Variants in PHACTR1 observed in about 807,000 individuals in gnomAD.
PHACTR1 encodes RPEL repeat containing 1.
A neutral mutation model predicts 69.2 loss-of-function variants in PHACTR1; 16 were observed. That is an observed-to-expected ratio of 0.23 (90% confidence interval 0.16 to 0.35). PHACTR1 has a LOEUF of 0.35. Among genes scored for constraint, PHACTR1 ranks in the 10% least tolerant of loss-of-function variants. The pLI, the probability that PHACTR1 is intolerant of heterozygous loss-of-function variation, is 1.00. For synonymous variants in PHACTR1, 312 were observed against 284.5 expected, an observed-to-expected ratio of 1.10 and a Z score of -0.97; for missense variants, 510 against 734.7, an observed-to-expected ratio of 0.69 and a Z score of 3.54.
chr6:12,940,556 TAAG>T (rs1361402053), intron 4 of PHACTR1, among the ~76,000 whole-genome samples: 2 of 152,196 alleles, frequency 1.3e-5, no homozygotes, highest in Non-Finnish European at 2.9e-5. Context: ...GCCTTGACTT[TAAG>T]GAGGTGGAAG....
intron 4 of PHACTR1, among the ~76,000 whole-genome samples, chr6:12,983,672 A>G (rs1457541637): frequency 6.6e-6 from 1 of 152,054 alleles, no homozygotes; most frequent in African/African-American, 2.4e-5. Flanking sequence ...CATTAGGTAT[A>G]TCTCCCAATG....
chr6:12,820,136 A>G (rs796443450), intron 4 of PHACTR1, among the ~76,000 whole-genome samples: 2 of 152,314 alleles, frequency 1.3e-5, no homozygotes, highest in African/African-American at 4.8e-5. Flanking sequence ...CCTCTTCTGC[A>G]TAAATATTGA....
chr6:13,241,859 A>C (rs1772884984), intron 10 of PHACTR1, among the ~76,000 whole-genome samples: 1 of 149,910 alleles, frequency 6.7e-6, no homozygotes, highest in South Asian at 2.1e-4. Flanking sequence ...CCCCATCTCT[A>C]CTAAAAATGC....
At chr6:13,019,093 G>A (rs1013798341) in intron 4 of PHACTR1, among the ~76,000 whole-genome samples, 1 of 108,576 alleles carries the variant, frequency 9.2e-6, no homozygotes, top group African/African-American at 2.9e-5. Context: ...TTTTCTTTTT[G>A]TAGAGACAGG....
rs1784644999 is a variant in PHACTR1 at position 12,896,147 on chromosome 6, C to T, written c.250+146357C>T. Among the ~76,000 whole-genome samples the T allele has an allele frequency of 2.0e-5, 3 of 152,296 alleles. No individual in the cohort carries two copies. In the South Asian group the frequency reaches 6.2e-4, roughly 32 times the overall value. On this transcript the variant is annotated intron_variant, in intron 4 of 14. Coordinates refer to ENST00000332995, the MANE Select transcript of PHACTR1 (RefSeq NM_030948.6). ...ACGCCTAATAGACAACATGCCAATA[C>T]CACAATGACTTTATGTACGTCAGGC...
intron 5 of PHACTR1, among the ~76,000 whole-genome samples, chr6:13,113,978 T>A (rs1316937394): frequency 6.6e-6 from 1 of 152,164 alleles, no homozygotes; most frequent in Non-Finnish European, 1.5e-5. Context: ...AAACATAAAA[T>A]GCTAAGAAAA....
intron 5 of PHACTR1, among the ~76,000 whole-genome samples, chr6:13,109,031 T>G (rs530616580): frequency 6.6e-6 from 1 of 152,186 alleles, no homozygotes; most frequent in South Asian, 2.1e-4. Context: ...TTTATCGCAG[T>G]CTACCTTCAG....
intron 4 of PHACTR1, among the ~76,000 whole-genome samples, chr6:13,004,439 T>C (rs1798531401): frequency 6.6e-6 from 1 of 152,190 alleles, no homozygotes; most frequent in African/African-American, 2.4e-5. Context: ...AAAATGTCTG[T>C]TTGTGTCCTT....
chr6:12,997,296 T>C (rs951739545), intron 4 of PHACTR1, among the ~76,000 whole-genome samples: 7 of 147,788 alleles, frequency 4.7e-5, no homozygotes, highest in African/African-American at 1.7e-4. Flanking sequence ...TATAAGTGAA[T>C]GTATATTATA....
At chr6:13,013,915 C>G (rs1385725659) in intron 4 of PHACTR1, among the ~76,000 whole-genome samples, 2 of 150,454 alleles carry the variant, frequency 1.3e-5, no homozygotes, top group East Asian at 3.9e-4. Context: ...TCAGCGAAGC[C>G]GGGGAGGTTT....
intron 5 of PHACTR1, among the ~76,000 whole-genome samples, chr6:13,086,067 A>G (rs1812223721): frequency 6.7e-6 from 1 of 149,770 alleles, no homozygotes; most frequent in African/African-American, 2.5e-5. Context: ...CTAAAAATAA[A>G]GAAGATACAC....
chr6:12,806,829 C>T (rs968102906), intron 4 of PHACTR1, among the ~76,000 whole-genome samples: 1 of 152,098 alleles, frequency 6.6e-6, no homozygotes, highest in African/African-American at 2.4e-5. Flanking sequence ...AATCCCTGGG[C>T]AAAATGGCTG....
intron 5 of PHACTR1, among the ~76,000 whole-genome samples, chr6:13,097,319 A>G (rs1462008459): frequency 1.3e-5 from 2 of 152,244 alleles, no homozygotes; most frequent in Non-Finnish European, 2.9e-5. Context: ...GTTGATGCAA[A>G]TCAATTCATG....
chr6:12,780,467 T>C (rs911053131), intron 4 of PHACTR1, among the ~76,000 whole-genome samples: 2 of 152,146 alleles, frequency 1.3e-5, no homozygotes. Flanking sequence ...ACAGCAAAAT[T>C]ATGCAGAGGC....
At chr6:13,048,551 T>TGTGTGTGTGA in intron 4 of PHACTR1, among the ~76,000 whole-genome samples, 1 of 151,982 alleles carries the variant, frequency 6.6e-6, no homozygotes, top group East Asian at 1.9e-4. Context: ...TGTGTGTGTG[T>TGTGTGTGTGA]GTGATGGAGT....
chr6:13,121,047 A>G (rs1029390629), intron 5 of PHACTR1, among the ~76,000 whole-genome samples: 2 of 152,136 alleles, frequency 1.3e-5, no homozygotes, highest in African/African-American at 4.8e-5. Flanking sequence ...AGAACCAGAT[A>G]AGGGTGTAAA....
At chr6:13,056,587 G>A (rs73368123) in intron 5 of PHACTR1, among the ~76,000 whole-genome samples, 13,460 of 152,228 alleles carry the variant, frequency 0.088, 1,972 homozygotes, top group African/African-American at 0.3. Context: ...AGATAAGGCA[G>A]TCTTTATTCA....
chr6:12,949,129 G>C lies in PHACTR1; in HGVS notation c.251-104236G>C, dbSNP rs192786323. 4.9e-4 allele frequency among the ~76,000 whole-genome samples: 75 copies of C among 152,144 alleles called. No homozygotes were observed. In the Middle Eastern group the frequency reaches 0.01, roughly 21 times the overall value. On this transcript the variant is annotated intron_variant, in intron 4 of 14. Coordinates refer to ENST00000332995, the MANE Select transcript of PHACTR1 (RefSeq NM_030948.6). ...CTACTAAAAATACAAAATTAGCCTGGTGTAGCAGTGCATGCCTGTAATCCC... is the reference window on the plus strand; with the variant it reads ...CTACTAAAAATACAAAATTAGCCTGCTGTAGCAGTGCATGCCTGTAATCCC...
chr6:13,197,204 G>A (rs768453711), intron 7 of PHACTR1, among the ~76,000 whole-genome samples: 33 of 152,260 alleles, frequency 2.2e-4, no homozygotes, highest in Non-Finnish European at 4.6e-4. Flanking sequence ...AGGACTGTAC[G>A]GGGGCTACTT....
Sources: gnomAD v4.1 joint callset for allele counts (sites outside exome capture counted in the v4.1 genomes callset) on GRCh38, gnomAD v4.1.1 for gene constraint, MANE v1.5 for transcripts, NCBI Gene and HGNC (gene_info 2026-07-23, HGNC 2026-07-21) for gene names.